AQR: variants seen among roughly 807,000 people sequenced by gnomAD.
The protein encoded by AQR is aquarius intron-binding spliceosomal factor.
A neutral mutation model predicts 180.5 loss-of-function variants in AQR; 61 were observed. The observed-to-expected ratio is 0.34, with a 90% CI of 0.28 to 0.42. AQR has a LOEUF of 0.42. AQR is among the 10% of genes least tolerant of loss of function. The pLI is 1.00. For synonymous variants in AQR, 551 were observed against 588.8 expected, an observed-to-expected ratio of 0.94 and a Z score of 0.93; for missense variants, 1,281 against 1,798.3, an observed-to-expected ratio of 0.71 and a Z score of 5.20.
chr15:34,968,890 C>G (rs1430267470), intron 1 of AQR, among the ~76,000 whole-genome samples: 1 of 152,160 alleles, frequency 6.6e-6, no homozygotes, highest in Non-Finnish European at 1.5e-5. Context: ...ATGATAACTT[C>G]TACATTGAAC....
chr15:34,913,235 C>G (rs1321355352), intron 16 of AQR, among the ~76,000 whole-genome samples: 1 of 152,204 alleles, frequency 6.6e-6, no homozygotes, highest in Non-Finnish European at 1.5e-5. Context: ...ATCTACTCCT[C>G]TTACCCCTTT....
intron 1 of AQR, among the ~76,000 whole-genome samples, chr15:34,968,651 G>A (rs1012582720): frequency 1.3e-5 from 2 of 152,222 alleles, no homozygotes; most frequent in Non-Finnish European, 2.9e-5. Context: ...GGCTAGAGCA[G>A]AGCAAGAGGA....
intron 29 of AQR, 23 bp downstream of exon 29, chr15:34,874,654 A>T (rs1566980003): frequency 6.2e-7 from 1 of 1,610,404 alleles, no homozygotes; most frequent in East Asian, 2.2e-5. Flanking sequence ...AATGGGAATG[A>T]TTTTTTTTCC....
chr15:34,893,652 C>CACACAT lies in AQR; in HGVS notation c.2571+10_2571+11insATGTGT. The CACACAT allele has an allele frequency of 6.4e-7, 1 of 1,570,684 alleles. No individual in the cohort carries two copies. Among genetic ancestry groups the CACACAT allele is most frequent in the Non-Finnish European group, 8.7e-7 (1 of 1,145,776 alleles). On this transcript the variant is annotated intron_variant, in intron 23 of 34. Coordinates refer to ENST00000156471, the MANE Select transcript of AQR (RefSeq NM_014691.3). ...ACACACACACACACACACACACACA[C>CACACAT]AGTCATTTACCTGATTGGAATGAGT...
At position 34,870,752 on chromosome 15, in the gene AQR, C is replaced by T. The variant is rs1892804999; in HGVS notation, c.3768G>A (p.Lys1256=). 6.2e-7 allele frequency: 1 copy of T among 1,607,728 alleles called. No individual in the cohort carries two copies. Among genetic ancestry groups the T allele is most frequent in the African/African-American group, 1.3e-5 (1 of 74,640 alleles). ...GNNPLIGRPN[K]VTTVDRFQGQ... Reference sequence around the variant, plus strand: ...GAACATATTATAATTATAAAAGTACCTTGTTTGGTCTTCCAATCAATGGAT... The same window carrying T: ...GAACATATTATAATTATAAAAGTACTTTGTTTGGTCTTCCAATCAATGGAT... The change falls in exon 31 of 35, where the codon AAG becomes AAA. Residue 1256 remains lysine (K), a splice_region_variant and synonymous_variant. Coordinates refer to ENST00000156471, the MANE Select transcript of AQR (RefSeq NM_014691.3).
At chr15:34,913,754 T>C (rs1206297858) in intron 16 of AQR, among the ~76,000 whole-genome samples, 1 of 152,162 alleles carries the variant, frequency 6.6e-6, no homozygotes, top group African/African-American at 2.4e-5. Context: ...AACCATAAAT[T>C]GTAAAGAAGT....
intron 13 of AQR, among the ~76,000 whole-genome samples, chr15:34,923,492 T>G (rs1213851082): frequency 6.6e-6 from 1 of 152,206 alleles, no homozygotes; most frequent in Non-Finnish European, 1.5e-5. Flanking sequence ...GGATTGTGCT[T>G]TGGTGTCTAT....
At chr15:34,871,547 C>T (rs1045749179) in intron 30 of AQR, among the ~76,000 whole-genome samples, 4 of 150,632 alleles carry the variant, frequency 2.7e-5, no homozygotes, top group African/African-American at 7.3e-5. Flanking sequence ...TGTGCCACAA[C>T]TGTAGTTACA....
intron 15 of AQR, 122 bp downstream of exon 15, chr15:34,918,136 G>T: frequency 4.9e-6 from 5 of 1,010,716 alleles, no homozygotes; most frequent in Non-Finnish European, 7.0e-6. Context: ...TAACTTCTGG[G>T]CACCAGGAAA....
chr15:34,944,223 A>G, intron 6 of AQR, 65 bp downstream of exon 6: 1 of 1,454,016 alleles, frequency 6.9e-7, no homozygotes, highest in African/African-American at 1.4e-5. Context: ...AGGTAATTTC[A>G]TCTAAACTCA....
chr15:34,900,502 G>A, intron 20 of AQR, 120 bp downstream of exon 20: 4 of 1,200,436 alleles, frequency 3.3e-6, no homozygotes, highest in Non-Finnish European at 4.6e-6. Context: ...GTGAAGGTAG[G>A]GACTGCTAAA....
In AQR at chr15:34,870,872, T is replaced by C. The variant is rs1274461521; in HGVS notation, c.3648A>G (p.Leu1216=). Residue 1216 remains leucine, a synonymous_variant, in exon 31 of 35, where the codon TTA becomes TTG. Coordinates refer to ENST00000156471, the MANE Select transcript of AQR (RefSeq NM_014691.3). ...TGATTTTGTCAGCAGGGTAACCAAG[T>C]AAACACATGTACATAAAAAGTGCTA... The part of the protein sequence containing the change: ...YVVALFMYMC[L]LGYPADKISI... 6.2e-7 allele frequency: 1 copy of C among 1,613,314 alleles called. No homozygotes were observed. Among genetic ancestry groups the C allele is most frequent in the Admixed American group, 1.7e-5 (1 of 59,922 alleles).
intron 25 of AQR, among the ~76,000 whole-genome samples, chr15:34,885,106 AT>A (rs1345742516): frequency 6.6e-6 from 1 of 152,130 alleles, no homozygotes; most frequent in South Asian, 2.1e-4. Flanking sequence ...GAAATTGCTC[AT>A]TTTTTTCATC....
intron 17 of AQR, among the ~76,000 whole-genome samples, chr15:34,907,790 C>T (rs1893441091): frequency 6.6e-6 from 1 of 152,320 alleles, no homozygotes; most frequent in Admixed American, 6.5e-5. Context: ...ATTAAAACTT[C>T]TAAGTCTTAC....
At chr15:34,893,841 T>G (rs978440559) in intron 22 of AQR, 68 bp from the exon 23 acceptor site, 10 of 1,350,998 alleles carry the variant, frequency 7.4e-6, no homozygotes, top group Non-Finnish European at 1.1e-5. Flanking sequence ...TTAGAAAACG[T>G]GAAGTACAGA....
chr15:34,882,628 G>A lies in AQR; in HGVS notation c.3039C>T (p.Ala1013=). Residue 1013 remains alanine, a synonymous_variant, in exon 27 of 35, where the codon GCC becomes GCT. Coordinates refer to ENST00000156471, the MANE Select transcript of AQR (RefSeq NM_014691.3). The part of the protein sequence containing the change: ...KIFTQLEEFR[A]SELLRSGLDR... ...CCAGTCCACTTCGAAGCAATTCAGA[G>A]GCTCTGAATTCCTATGGAAACGAGG... 6.3e-7 allele frequency: 1 copy of A among 1,598,974 alleles called. No individual in the cohort carries two copies. Among genetic ancestry groups the A allele is most frequent in the Non-Finnish European group, 8.5e-7 (1 of 1,174,412 alleles).
chr15:34,936,993 G>A (rs1266847414), intron 9 of AQR, among the ~76,000 whole-genome samples: 2 of 152,126 alleles, frequency 1.3e-5, no homozygotes, highest in South Asian at 2.1e-4. Flanking sequence ...GAAAGATTTA[G>A]ATATACTAAC....
intron 15 of AQR, among the ~76,000 whole-genome samples, chr15:34,915,825 A>G (rs935737817): frequency 3.3e-5 from 5 of 152,122 alleles, no homozygotes; most frequent in Non-Finnish European, 5.9e-5. Flanking sequence ...GGGCGCCTGT[A>G]ATCCCAGCTA....
At chr15:34,950,649 T>C (rs999277673) in intron 4 of AQR, among the ~76,000 whole-genome samples, 8 of 152,168 alleles carry the variant, frequency 5.3e-5, no homozygotes. Context: ...CTTGACAGTG[T>C]GTATCAATTA....
Sources: allele counts gnomAD v4.1 joint callset (sites outside exome capture counted in the v4.1 genomes callset), GRCh38; gene constraint gnomAD v4.1.1; transcripts MANE v1.5; gene names NCBI Gene and HGNC (gene_info 2026-07-23, HGNC 2026-07-21).